PLEC: variants seen among roughly 807,000 people sequenced by gnomAD.
The protein encoded by PLEC is plectin, also known as hemidesmosomal protein 1.
In PLEC, 216 loss-of-function variants were observed where a neutral mutation model predicts 392.8. That is an observed-to-expected ratio of 0.55 (90% CI 0.49 to 0.62). The LOEUF (loss-of-function observed/expected upper bound fraction) is 0.62. Among genes scored for constraint, PLEC ranks in the 20% least tolerant of loss-of-function variants. PLEC has a pLI of 0.00. For missense variants in PLEC, 6,863 were observed against 6,563.4 expected (o/e 1.05, Z -1.58); for synonymous variants, 3,621 against 2,980.6 (o/e 1.21, Z -7.00).
intron 1 of PLEC, among the ~76,000 whole-genome samples, chr8:143,948,499 C>T (rs1587347845): frequency 6.6e-6 from 1 of 152,238 alleles, no homozygotes; most frequent in Admixed American, 6.5e-5. Context: ...GCCTCCTTCC[C>T]CTAGCTTCCC....
chr8:143,953,813 G>C, upstream of PLEC: 6 of 1,610,274 alleles, frequency 3.7e-6, no homozygotes, highest in Non-Finnish European at 5.1e-6. Context: ...CCACCAGGCA[G>C]AGTCCAGCCC....
Position 143,931,988 on chromosome 8 carries a change from C to G in PLEC, c.2127G>C (p.Gln709His), listed in dbSNP as rs1303759485. ...ALQTQWSWML[Q>H]LCCCIEAHLK... is the part of the protein sequence containing the mutation. ...GGTGTGCCTCGATACAGCAGCACAG[C>G]TGTAGCATCCAGCTCCACTGCGTCT... is the stretch of plus-strand genomic sequence containing the variant. Residue 709 changes from glutamine to histidine, a missense_variant, in exon 18 of 32, where the codon CAG (glutamine) becomes CAC (histidine). Gln to His is a conservative substitution (Grantham distance 24). Coordinates refer to ENST00000345136, the MANE Select transcript of PLEC (RefSeq NM_201384.3). 8.7e-6 allele frequency: 14 copies of G among 1,607,824 alleles called. No homozygotes were observed. Among genetic ancestry groups the G allele is most frequent in the Middle Eastern group, 2.0e-4 (1 of 5,066 alleles).
chr8:143,946,460 G>C (rs776192151), intron 1 of PLEC: 87 of 1,227,972 alleles, frequency 7.1e-5, no homozygotes, highest in African/African-American at 1.6e-4. Context: ...AGGAGGGAAG[G>C]GGTGGGAGGC....
chr8:143,941,317 G>A (rs1350798345), upstream of PLEC, among the ~76,000 whole-genome samples: 1 of 152,184 alleles, frequency 6.6e-6, no homozygotes, highest in African/African-American at 2.4e-5. Flanking sequence ...GGGAGCCGGG[G>A]CCAAGGTCCA....
rs2130844523 is a variant in PLEC at position 143,917,280 on chromosome 8, TCTC to T, written c.12538_12540del (p.Glu4180del). On this transcript the variant is annotated inframe_deletion, in exon 32 of 32. Transcript: ENST00000345136. ...ACGCCGTCCGAGGAGGAGATGGTGA[TCTC>T]CTCCCACTCGCACTCCTGCTCGGAC... 6.2e-7 allele frequency: 1 copy of T among 1,609,872 alleles called. No individual in the cohort carries two copies. The highest frequency in any genetic ancestry group is 8.5e-7 in the Non-Finnish European group (1 of 1,178,434).
chr8:143,943,681 T>C (rs1029955299), upstream of PLEC: 100 of 1,165,062 alleles, frequency 8.6e-5, no homozygotes, highest in Middle Eastern at 9.6e-4. Flanking sequence ...ACATTCAGCT[T>C]GGAAACAGGA....
chr8:143,923,922 G>A lies in PLEC; in HGVS notation c.6007C>T (p.Gln2003Ter), dbSNP rs1554694781. The stretch of plus-strand genomic sequence containing the variant: ...ACTTCCTCCAGCGCCGCCTTCCGCT[G>A]CCGTGCGGCCTCCTCCTCGGCCGCC... ...SLAAEEEAAR[Q>*]RKAALEEVER... Residue 2003 changes from glutamine to a stop codon, truncating the protein, a stop_gained, in exon 31 of 32, where the codon CAG becomes TAG. Coordinates refer to ENST00000345136, the MANE Select transcript of PLEC (RefSeq NM_201384.3). LOFTEE classifies it high-confidence loss of function. 6.3e-7 allele frequency: 1 copy of A among 1,595,066 alleles called. No individual in the cohort carries two copies. The highest frequency in any genetic ancestry group is 8.5e-7 in the Non-Finnish European group (1 of 1,178,172).
intron 1 of PLEC, among the ~76,000 whole-genome samples, chr8:143,949,190 C>A (rs1222409172): frequency 6.6e-6 from 1 of 152,214 alleles, no homozygotes; most frequent in Non-Finnish European, 1.5e-5. Flanking sequence ...TCCCCTGGGC[C>A]CCCTCCCCCA....
rs1309600014 is a variant in PLEC at position 143,930,645 on chromosome 8, G to A, written c.2305-109C>T. 9.2e-6 allele frequency: 11 copies of A among 1,192,468 alleles called. No homozygotes were observed. In the African/African-American group the frequency reaches 1.4e-4, roughly 15 times the overall value. The allele number at this position is 1,192,468 out of a possible 1,614,324, so 73.9% of individuals were successfully genotyped here. A position where few individuals can be genotyped will look rare whatever the true frequency, so the allele number is the denominator to read the frequency against. On this transcript the variant is annotated intron_variant, in intron 19 of 31. Coordinates refer to ENST00000345136, the MANE Select transcript of PLEC (RefSeq NM_201384.3). ...CTGTGGGGCCCTCCTGATGCTCCCG[G>A]GGTGGCAGCACTTGGAAGCAGGAGG...
chr8:143,935,234 G>T lies in PLEC; in HGVS notation c.682C>A (p.Arg228=). The T allele has an allele frequency of 6.2e-7, 1 of 1,612,300 alleles. No individual in the cohort carries two copies. The highest frequency in any genetic ancestry group is 8.5e-7 in the Non-Finnish European group (1 of 1,179,930). ...AGGAGCCGCGTCACTCCCAGGTCCCGCTCCGCCACAGAGAAGGCCTGGTCC... is the reference window on the plus strand; with the variant it reads ...AGGAGCCGCGTCACTCCCAGGTCCCTCTCCGCCACAGAGAAGGCCTGGTCC... ...NLDQAFSVAE[R]DLGVTRLLDP... Residue 228 remains arginine (R), a synonymous_variant, in exon 7 of 32, where the codon CGG becomes AGG. Transcript: ENST00000345136.
rs782655632 is a variant in PLEC, at chr8:143,916,441, C to T, written c.13380G>A (p.Gly4460=). ...GCGCGGCAGCCTCCAGCAGCCGCAG[C>T]CCCGTGCCCTCCTCCACCATGCTGC... ...LDRSMVEEGT[G]LRLLEAAAQS... The change falls in exon 32 of 32, where the codon GGG becomes GGA. Residue 4460 remains glycine, a synonymous_variant. Transcript: ENST00000345136. The T allele has an allele frequency of 1.9e-6, 3 of 1,611,668 alleles. No homozygotes were observed. The highest frequency in any genetic ancestry group is 2.5e-6 in the Non-Finnish European group (3 of 1,179,488).
rs782364084 is a variant in PLEC at position 143,921,405 on chromosome 8, G to A, written c.8416C>T (p.Leu2806=). 16 of 1,613,244 alleles carry A rather than the reference G, an allele frequency of 9.9e-6. No individual in the cohort carries two copies. The highest frequency in any genetic ancestry group is 5.0e-5 in the Admixed American group (3 of 59,996). ...CCGCCCGTGGCGATCTGGGCCTCCA[G>A]CAGGCGGATGCCGTGCTCCCGGACG... The part of the protein sequence containing the change: ...LIVREHGIRL[L]EAQIATGGVI... Residue 2806 remains leucine, a synonymous_variant, in exon 32 of 32, where the codon CTG becomes TTG. Coordinates refer to ENST00000345136, the MANE Select transcript of PLEC (RefSeq NM_201384.3).
upstream of PLEC, among the ~76,000 whole-genome samples, chr8:143,973,987 A>G (rs536950289): frequency 6.6e-6 from 1 of 152,376 alleles, no homozygotes; most frequent in East Asian, 1.9e-4. This position sits in a 1 kb window ranked among gnomAD's most constrained non-coding sequence, Gnocchi z 5.6. Flanking sequence ...GGAATAGCCC[A>G]TTCACAGAAG....
rs201390770 is a variant in PLEC at position 143,919,359 on chromosome 8, C to A, written c.10462G>T (p.Ala3488Ser). 1 of 1,613,846 alleles carries A rather than the reference C, an allele frequency of 6.2e-7. No individual in the cohort carries two copies. Among genetic ancestry groups the A allele is most frequent in the Middle Eastern group, 1.7e-4 (1 of 6,056 alleles). Residue 3488 changes from alanine to serine, a missense_variant, in exon 32 of 32, where the codon GCC becomes TCC. By Grantham distance (99) the Ala-to-Ser change is moderately conservative (BLOSUM62 1). Coordinates refer to ENST00000345136, the MANE Select transcript of PLEC (RefSeq NM_201384.3). ...TCACTGAAGTAGCCGCGCTGGTAGG[C>A]CACGTCCACAGGCACGCGGTGGCTG... Reference protein sequence around the residue: ...VHSHRVPVDVAYQRGYFSEEM... With the variant: ...VHSHRVPVDVSYQRGYFSEEM...
upstream of PLEC, chr8:143,939,635 G>A: frequency 1.4e-6 from 2 of 1,426,340 alleles, no homozygotes; most frequent in Non-Finnish European, 1.8e-6. Flanking sequence ...GTACTCCCCG[G>A]CGAGGCCGGC....
intron 1 of PLEC, among the ~76,000 whole-genome samples, chr8:143,945,576 G>A (rs1831340270): frequency 6.6e-6 from 1 of 152,190 alleles, no homozygotes; most frequent in African/African-American, 2.4e-5. Flanking sequence ...CGTCGCTCCT[G>A]GCACCACATG....
intron 1 of PLEC, chr8:143,944,660 T>C: frequency 7.4e-7 from 1 of 1,342,340 alleles, no homozygotes; most frequent in Non-Finnish European, 9.6e-7. Context: ...GGCACGATCT[T>C]CATCGGGGAC....
intron 26 of PLEC, 34 bp from the exon 27 acceptor site, chr8:143,927,800 G>A (rs951727007): frequency 5.7e-5 from 90 of 1,581,440 alleles, no homozygotes; most frequent in Non-Finnish European, 7.5e-5. Context: ...TGCGGCTTCA[G>A]CTGGGCCCGC....
In PLEC at chr8:143,934,662, C is replaced by T. The variant is rs1463116442; in HGVS notation, c.1014G>A (p.Arg338=). ...CCAGGGATTGGTAGATGCCCTTGGA[C>T]CTGTTCTTGTCGGCCTCCTTGGCTG... is the stretch of plus-strand genomic sequence containing the variant. ...ELPAKEADKN[R]SKGIYQSLEG... The change falls in exon 10 of 32, where the codon AGG becomes AGA. Residue 338 remains arginine, a synonymous_variant. Transcript: ENST00000345136. 2 of 1,613,134 alleles carry T rather than the reference C, an allele frequency of 1.2e-6. No homozygotes were observed. The highest frequency in any genetic ancestry group is 1.7e-6 in the Non-Finnish European group (2 of 1,179,948).
Sources: gnomAD v4.1 joint callset for allele counts (sites outside exome capture counted in the v4.1 genomes callset) on GRCh38, gnomAD v4.1.1 for gene constraint, Gnocchi (gnomAD v3.1) non-coding constraint, MANE v1.5 for transcripts, NCBI Gene and HGNC (gene_info 2026-07-23, HGNC 2026-07-21) for gene names.